Variants in EFNA3 observed in about 807,000 individuals in gnomAD.
The protein encoded by EFNA3 is ephrin-A3.
EFNA3 carries 15 observed loss-of-function variants against 25.0 expected under a neutral mutation model. The ratio of observed to expected loss-of-function variants is 0.60; its 90% CI spans 0.40 to 0.92. The LOEUF is 0.92. Among genes scored for constraint, EFNA3 ranks in the 40% least tolerant of loss-of-function variants. The probability of loss-of-function intolerance (pLI) is 0.00; values close to 1 mark genes in which losing one functional copy is unlikely to be tolerated. For synonymous variants in EFNA3, 153 were observed against 145.6 expected (o/e 1.05, Z -0.37); for missense variants, 298 against 323.8 (o/e 0.92, Z 0.61).
In EFNA3 at chr1:155,079,172, A is replaced by T; in HGVS notation, c.128+103A>T. The T allele has an allele frequency of 8.5e-7, 1 of 1,175,540 alleles. No homozygotes were observed. The highest frequency in any genetic ancestry group is 1.1e-6 in the Non-Finnish European group (1 of 924,014). The allele number at this position is 1,175,540 out of a possible 1,614,324, so 72.8% of individuals were successfully genotyped here. On this transcript the variant is annotated intron_variant, in intron 1 of 4. Transcript: ENST00000368408. This position sits in a 1 kb window ranked among gnomAD's most constrained non-coding sequence, Gnocchi z 7.7. ...GATCCCGGGGTGGGAGTCCTGGGAG[A>T]CCAGAGCTGGGGGCTGGGAGGGGAC...
At position 155,085,805 on chromosome 1, in the gene EFNA3, G is replaced by A; in HGVS notation, c.443-72G>A. ...GACGGGGACAGTTTGGAGGGGGTGA[G>A]AAATAGAGCCGTCGAGGGAGGGCAC... On this transcript the variant is annotated intron_variant, in intron 2 of 4. Transcript: ENST00000368408. This position sits in a 1 kb window ranked among gnomAD's most constrained non-coding sequence, Gnocchi z 4.4. The A allele has an allele frequency of 6.4e-7, 1 of 1,566,078 alleles. No individual in the cohort carries two copies. Among genetic ancestry groups the A allele is most frequent in the Non-Finnish European group, 8.7e-7 (1 of 1,148,636 alleles).
At chr1:155,084,688 G>A (rs1487174041) in intron 1 of EFNA3, among the ~76,000 whole-genome samples, 1 of 152,208 alleles carries the variant, frequency 6.6e-6, no homozygotes, top group African/African-American at 2.4e-5. Flanking sequence ...CCCTCCTCCC[G>A]GCTGCTGAAT....
chr1:155,085,728 G>A lies in EFNA3; in HGVS notation c.443-149G>A. 5.4e-6 allele frequency: 5 copies of A among 930,496 alleles called. No individual in the cohort carries two copies. The highest frequency in any genetic ancestry group is 2.6e-5 in the East Asian group (1 of 37,874). The allele number at this position is 930,496 out of a possible 1,614,324, so 57.6% of individuals were successfully genotyped here. ...AGGGGCGTCTAGGGCCGACGGCAGA[G>A]CTAAAGTGACCCGTGTCCAAAGGGT... On this transcript the variant is annotated intron_variant, in intron 2 of 4. Coordinates refer to ENST00000368408, the MANE Select transcript of EFNA3 (RefSeq NM_004952.5). The surrounding 1 kb of genome is among the most constrained non-coding windows in gnomAD (Gnocchi z 4.4).
Position 155,085,004 on chromosome 1 carries a change from C to G in EFNA3, c.129-87C>G. Reference sequence around the variant, plus strand: ...AGGAAAAGTCGGAAGGCTACGCGGACCCTGGGGAGGGGCTGCGGAGCGGTC... The same window carrying G: ...AGGAAAAGTCGGAAGGCTACGCGGAGCCTGGGGAGGGGCTGCGGAGCGGTC... On this transcript the variant is annotated intron_variant, in intron 1 of 4. Coordinates refer to ENST00000368408, the MANE Select transcript of EFNA3 (RefSeq NM_004952.5). The surrounding 1 kb of genome is among the most constrained non-coding windows in gnomAD (Gnocchi z 4.4). 6.8e-7 allele frequency: 1 copy of G among 1,478,286 alleles called. No homozygotes were observed. The allele number at this position is 1,478,286 out of a possible 1,614,324, so 91.6% of individuals were successfully genotyped here.
rs1201389746 is a variant in EFNA3 at position 155,081,897 on chromosome 1, G to A, written c.128+2828G>A. 6.6e-6 allele frequency among the ~76,000 whole-genome samples: 1 copy of A among 152,110 alleles called. No individual in the cohort carries two copies. Among genetic ancestry groups the A allele is most frequent in the East Asian group, 1.9e-4 (1 of 5,196 alleles). ...GTGTCTCGCTTTCGGCAGGTCTCTC[G>A]CTCCTCTCCGCCGCTGCAGATCAAT... On this transcript the variant is annotated intron_variant, in intron 1 of 4. Transcript: ENST00000368408. This position sits in a 1 kb window ranked among gnomAD's most constrained non-coding sequence, Gnocchi z 5.2.
In EFNA3 at chr1:155,081,064, C is replaced by G. The variant is rs939451338; in HGVS notation, c.128+1995C>G. ...GAGCTGGGCTCCTGGCTCCCACCTC[C>G]CGTCACGTGCGGAGGGTCTCTGCCC... On this transcript the variant is annotated intron_variant, in intron 1 of 4. Coordinates refer to ENST00000368408, the MANE Select transcript of EFNA3 (RefSeq NM_004952.5). The surrounding 1 kb of genome is among the most constrained non-coding windows in gnomAD (Gnocchi z 5.2). 2.0e-5 allele frequency among the ~76,000 whole-genome samples: 3 copies of G among 152,236 alleles called. No homozygotes were observed. The highest frequency in any genetic ancestry group is 7.2e-5 in the African/African-American group (3 of 41,458).
At position 155,085,022 on chromosome 1, in the gene EFNA3, G is replaced by C. The variant is rs149616426; in HGVS notation, c.129-69G>C. The C allele has an allele frequency of 3.0e-4, 459 of 1,548,842 alleles. 1 individual carries two copies. The African/African-American group carries it at 5.1e-3, about 17-fold the overall frequency. ...ACGCGGACCCTGGGGAGGGGCTGCGGAGCGGTCAGATGGAAAGCGGCTTTG... is the reference window on the plus strand; with the variant it reads ...ACGCGGACCCTGGGGAGGGGCTGCGCAGCGGTCAGATGGAAAGCGGCTTTG... On this transcript the variant is annotated intron_variant, in intron 1 of 4. Coordinates refer to ENST00000368408, the MANE Select transcript of EFNA3 (RefSeq NM_004952.5). This position sits in a 1 kb window ranked among gnomAD's most constrained non-coding sequence, Gnocchi z 4.4.
Position 155,085,184 on chromosome 1 carries a change from G to A in EFNA3, c.222G>A (p.Gly74=), listed in dbSNP as rs1414810650. The A allele has an allele frequency of 3.1e-6, 5 of 1,612,866 alleles. No individual in the cohort carries two copies. The highest frequency in any genetic ancestry group is 2.2e-5 in the East Asian group (1 of 44,876). The change falls in exon 2 of 5, where the codon GGG becomes GGA. Residue 74 remains glycine (G), a synonymous_variant. Transcript: ENST00000368408. This position sits in a 1 kb window ranked among gnomAD's most constrained non-coding sequence, Gnocchi z 4.4. ...PHYNSSGVGP[G]AGPGPGGGAE... ...ACAACAGCTCGGGGGTGGGCCCCGG[G>A]GCGGGACCGGGGCCCGGAGGCGGGG... is the stretch of plus-strand genomic sequence containing the variant.
rs751001269 is a variant in EFNA3, at chr1:155,085,940, C to A, written c.506C>A (p.Ser169Tyr). The A allele has an allele frequency of 5.6e-6, 9 of 1,610,468 alleles. No individual in the cohort carries two copies. The East Asian group carries it at 1.8e-4, about 32-fold the overall frequency. The change falls in exon 3 of 5, where the codon TCC (serine) becomes TAC (tyrosine). Residue 169 changes from serine to tyrosine, a missense_variant and splice_region_variant. Coordinates refer to ENST00000368408, the MANE Select transcript of EFNA3 (RefSeq NM_004952.5). The surrounding 1 kb of genome is among the most constrained non-coding windows in gnomAD (Gnocchi z 4.4). ...LRMKVFVCCA[S>Y]TSHSGEKPVP... is the part of the protein sequence containing the mutation. ...ATGAAGGTGTTCGTCTGCTGCGCCT[C>A]CAGTGAGTAGAATAGGCTCCGAGCC...
At position 155,086,446 on chromosome 1, in the gene EFNA3, A is replaced by G; in HGVS notation, c.620A>G (p.Lys207Arg). The G allele has an allele frequency of 1.2e-6, 2 of 1,614,070 alleles. No individual in the cohort carries two copies. Among genetic ancestry groups the G allele is most frequent in the Non-Finnish European group, 1.7e-6 (2 of 1,179,968 alleles). ...DFEGENPQVP[K>R]LEKSISGTSP... ...GAGGGAGAGAACCCTCAGGTGCCCA[A>G]GCTTGAGAAGAGCATCAGCGGGACC... Residue 207 changes from lysine to arginine, a missense_variant, in exon 5 of 5, where the codon AAG (lysine) becomes AGG (arginine). Lys to Arg is a conservative substitution (Grantham distance 26, BLOSUM62 2). Transcript: ENST00000368408.
In EFNA3 at chr1:155,087,347, A is replaced by G. The variant is rs1663494302; in HGVS notation, c.*804A>G. On this transcript the variant is annotated 3_prime_UTR_variant, in exon 5 of 5. Coordinates refer to ENST00000368408, the MANE Select transcript of EFNA3 (RefSeq NM_004952.5). ...TGAAGACAGGACCTATGCAACGCAC[A>G]GACACTTTTGGAGACCGTAAAACAA... The G allele has an allele frequency of 6.5e-6, 1 of 152,748 alleles. No homozygotes were observed. Among genetic ancestry groups the G allele is most frequent in the South Asian group, 2.1e-4 (1 of 4,826 alleles). The allele number at this position is 152,748 out of a possible 1,614,324, so 9.5% of individuals were successfully genotyped here.
chr1:155,081,454 C>G lies in EFNA3; in HGVS notation c.128+2385C>G, dbSNP rs1663342162. 6.6e-6 allele frequency among the ~76,000 whole-genome samples: 1 copy of G among 152,252 alleles called. No homozygotes were observed. The highest frequency in any genetic ancestry group is 6.5e-5 in the Admixed American group (1 of 15,290). Reference sequence around the variant, plus strand: ...CAAGGATGTTGGTATTTGCTCCGTTCTCAAGGAGCTTCGGGAACATCTTTC... The same window carrying G: ...CAAGGATGTTGGTATTTGCTCCGTTGTCAAGGAGCTTCGGGAACATCTTTC... On this transcript the variant is annotated intron_variant, in intron 1 of 4. Transcript: ENST00000368408. This position sits in a 1 kb window ranked among gnomAD's most constrained non-coding sequence, Gnocchi z 5.2.
chr1:155,086,638 C>T lies in EFNA3; in HGVS notation c.*95C>T. On this transcript the variant is annotated 3_prime_UTR_variant, in exon 5 of 5. Coordinates refer to ENST00000368408, the MANE Select transcript of EFNA3 (RefSeq NM_004952.5). ...CCAAGGGAAGCCTAGTGGGCCTAGACCCCTCCTCCCATGGCTAGAAGTGGG... is the reference window on the plus strand; with the variant it reads ...CCAAGGGAAGCCTAGTGGGCCTAGATCCCTCCTCCCATGGCTAGAAGTGGG... 2.0e-6 allele frequency: 3 copies of T among 1,481,026 alleles called. No individual in the cohort carries two copies. The highest frequency in any genetic ancestry group is 1.4e-5 in the African/African-American group (1 of 71,286). The allele number at this position is 1,481,026 out of a possible 1,614,324, so 91.7% of individuals were successfully genotyped here.
chr1:155,086,409 A>G lies in EFNA3; in HGVS notation c.587-4A>G, dbSNP rs548386648. On this transcript the variant is annotated splice_region_variant and splice_polypyrimidine_tract_variant and intron_variant, in intron 4 of 4. Coordinates refer to ENST00000368408, the MANE Select transcript of EFNA3 (RefSeq NM_004952.5). ...CACCAGTCTGTCTGTTCCTCTGTCC[A>G]CAGAAGACTTTGAGGGAGAGAACCC... is the stretch of plus-strand genomic sequence containing the variant. 5.0e-6 allele frequency: 8 copies of G among 1,613,690 alleles called. No homozygotes were observed. In the South Asian group the frequency reaches 5.5e-5, roughly 11 times the overall value.
chr1:155,078,916 GGGC>G lies in EFNA3; in HGVS notation c.-10_-8del, dbSNP rs886197249. The stretch of plus-strand genomic sequence containing the variant: ...GCCGGGAGCGCGGGGCTCAGTCGGG[GGGC>G]GGCGGCGGCGGCGGCTCCGGGGATG... On this transcript the variant is annotated 5_prime_UTR_variant, in exon 1 of 5. Transcript: ENST00000368408. 1.7e-4 allele frequency: 229 copies of G among 1,374,484 alleles called. No homozygotes were observed. Among genetic ancestry groups the G allele is most frequent in the Admixed American group, 1.0e-3 (27 of 26,238 alleles). The allele number at this position is 1,374,484 out of a possible 1,614,324, so 85.1% of individuals were successfully genotyped here.
chr1:155,084,944 G>C, intron 1 of EFNA3, 147 bp from the exon 2 acceptor site: 1 of 850,600 alleles, frequency 1.2e-6, no homozygotes, highest in South Asian at 1.7e-5. Flanking sequence ...AGGGCCCCGG[G>C]GGCAGAGACA....
chr1:155,082,659 G>A (rs929691342), intron 1 of EFNA3, among the ~76,000 whole-genome samples: 2 of 152,170 alleles, frequency 1.3e-5, no homozygotes, highest in African/African-American at 2.4e-5. Context: ...AGGCTATAGG[G>A]GATGAAGTGG....
rs754403772 is a variant in EFNA3 at position 155,086,253 on chromosome 1, C to T, written c.586+48C>T. ...GGTGGCCACTGCTGGAACCGCAGCCCCCCGCCCCGGTGCCTGCTCACCTCG... is the reference window on the plus strand; with the variant it reads ...GGTGGCCACTGCTGGAACCGCAGCCTCCCGCCCCGGTGCCTGCTCACCTCG... On this transcript the variant is annotated intron_variant, in intron 4 of 4. Transcript: ENST00000368408. The T allele has an allele frequency of 5.6e-6, 9 of 1,601,862 alleles. No homozygotes were observed. The African/African-American group carries it at 8.0e-5, about 14-fold the overall frequency.
intron 1 of EFNA3, among the ~76,000 whole-genome samples, chr1:155,083,091 T>C (rs919518076): frequency 6.6e-6 from 1 of 152,164 alleles, no homozygotes; most frequent in African/African-American, 2.4e-5. Context: ...CCCTGCAACC[T>C]TTTTTATAAG....
Sources: allele counts gnomAD v4.1 joint callset (sites outside exome capture counted in the v4.1 genomes callset), GRCh38; gene constraint gnomAD v4.1.1; non-coding constraint Gnocchi (gnomAD v3.1); transcripts MANE v1.5; gene names NCBI Gene and HGNC (gene_info 2026-07-23, HGNC 2026-07-21).